SPATA6L: variants seen among roughly 807,000 people sequenced by gnomAD.
SPATA6L encodes the protein spermatogenesis associated 6-like protein.
In SPATA6L, 68 loss-of-function variants were observed where a neutral mutation model predicts 49.2. The observed-to-expected ratio is 1.38, with a 90% CI of 1.14 to 1.69. The LOEUF (loss-of-function observed/expected upper bound fraction) is 1.69. Ranked by LOEUF, SPATA6L falls within the 40% of genes most tolerant of loss-of-function variation. The probability of loss-of-function intolerance (pLI) is 0.00; values close to 1 mark genes in which losing one functional copy is unlikely to be tolerated. For synonymous variants in SPATA6L, 198 were observed against 165.7 expected (o/e 1.19, Z -1.50); for missense variants, 668 against 464.3 (o/e 1.44, Z -4.03).
intron 3 of SPATA6L, among the ~76,000 whole-genome samples, chr9:4,637,828 G>A (rs116646578): frequency 0.01 from 1,524 of 152,164 alleles, 22 homozygotes; most frequent in African/African-American, 0.034. Context: ...TCCAGCTTAC[G>A]TTAGCCACTC....
intron 10 of SPATA6L, 55 bp downstream of exon 10, chr9:4,605,292 C>T: frequency 1.5e-6 from 2 of 1,349,858 alleles, no homozygotes; most frequent in Non-Finnish European, 1.1e-6. Flanking sequence ...GACTGTAGGT[C>T]CCTGTTCACA....
At position 4,614,190 on chromosome 9, in the gene SPATA6L, C is replaced by T. The variant is rs140423018; in HGVS notation, c.995+3733G>A. ...GAGAGGATGTGCTGAAGGGGCATGA[C>T]GCTATTCAGATGGTGGATACAGGGA... On this transcript the variant is annotated intron_variant, in intron 9 of 11. Coordinates refer to ENST00000682582, the MANE Select transcript of SPATA6L (RefSeq NM_001353486.2). Among the ~76,000 whole-genome samples the T allele has an allele frequency of 2.7e-3, 411 of 152,268 alleles. 2 individuals carry two copies. The highest frequency in any genetic ancestry group is 9.3e-3 in the African/African-American group (387 of 41,546).
intron 13 of SPATA6L, among the ~76,000 whole-genome samples, chr9:4,592,516 C>T (rs187836938): frequency 6.6e-6 from 1 of 152,272 alleles, no homozygotes; most frequent in East Asian, 1.9e-4. Context: ...TAAGCAACTT[C>T]CCCAAAGACC....
chr9:4,594,686 T>C (rs1030491331), downstream of SPATA6L, among the ~76,000 whole-genome samples: 2 of 152,164 alleles, frequency 1.3e-5, no homozygotes, highest in East Asian at 1.9e-4. Flanking sequence ...GAGTGAACAG[T>C]GATGCCTCTT....
chr9:4,603,325 G>A (rs900421501), intron 11 of SPATA6L, among the ~76,000 whole-genome samples: 2 of 152,148 alleles, frequency 1.3e-5, no homozygotes, highest in South Asian at 4.1e-4. Flanking sequence ...AGCTACTCAG[G>A]AGGCTGAGGC....
intron 7 of SPATA6L, among the ~76,000 whole-genome samples, chr9:4,620,132 C>G (rs1041776801): frequency 6.6e-6 from 1 of 152,154 alleles, no homozygotes; most frequent in African/African-American, 2.4e-5. Context: ...TCTCTCCCAC[C>G]CCCAGCTGGG....
chr9:4,653,756 C>T (rs890450140), intron 3 of SPATA6L, among the ~76,000 whole-genome samples: 1 of 152,060 alleles, frequency 6.6e-6, no homozygotes, highest in African/African-American at 2.4e-5. Context: ...TAGTGGCATC[C>T]TGTCTCTACA....
Position 4,656,052 on chromosome 9 carries a change from T to G in SPATA6L, c.215A>C (p.Asp72Ala), listed in dbSNP as rs1372008407. ...TTCAGAGTACCTACTTTCCAAAAGGTCTACTACAGCTCCAGGATCTACTGC... is the reference window on the plus strand; with the variant it reads ...TTCAGAGTACCTACTTTCCAAAAGGGCTACTACAGCTCCAGGATCTACTGC... ...ESAVDPGAVV[D>A]LLEMWDELAY... Residue 72 changes from aspartate (D) to alanine (A), a missense_variant, in exon 3 of 12, where the codon GAC becomes GCC. Asp to Ala is a moderately radical substitution (Grantham distance 126). Coordinates refer to ENST00000682582, the MANE Select transcript of SPATA6L (RefSeq NM_001353486.2). The G allele has an allele frequency of 2.5e-6, 4 of 1,612,702 alleles. No homozygotes were observed. Among genetic ancestry groups the G allele is most frequent in the Non-Finnish European group, 3.4e-6 (4 of 1,179,316 alleles).
At chr9:4,597,269 T>C (rs1313610184), downstream of SPATA6L, among the ~76,000 whole-genome samples, 1 of 151,346 alleles carries the variant, frequency 6.6e-6, no homozygotes, top group Non-Finnish European at 1.5e-5. Context: ...CTGGTCAATA[T>C]AGGGAGACTC....
chr9:4,635,487 T>A, intron 3 of SPATA6L, 88 bp from the exon 4 acceptor site: 2 of 1,335,694 alleles, frequency 1.5e-6, no homozygotes, highest in Non-Finnish European at 2.0e-6. Flanking sequence ...ATGGCAGAGA[T>A]GGCACTCAGG....
chr9:4,623,198 T>C (rs1471423274), intron 6 of SPATA6L, among the ~76,000 whole-genome samples: 2 of 152,168 alleles, frequency 1.3e-5, no homozygotes, highest in Admixed American at 1.3e-4. Context: ...GAGAATCGCT[T>C]GAACCCGGGA....
chr9:4,641,955 A>G (rs1834127260), intron 3 of SPATA6L, among the ~76,000 whole-genome samples: 1 of 152,108 alleles, frequency 6.6e-6, no homozygotes, highest in African/African-American at 2.4e-5. Flanking sequence ...TTCAGTAGAG[A>G]TGAGGTTTCA....
In SPATA6L at chr9:4,607,014, C is replaced by T. The variant is rs938274636; in HGVS notation, c.996-1574G>A. ...TGAAGAATGCAGAAGCCTCAGGAGC[C>T]GATGCAATCAACTGGAAGAAAGGGT... is the stretch of plus-strand genomic sequence containing the variant. On this transcript the variant is annotated intron_variant, in intron 9 of 11. Coordinates refer to ENST00000682582, the MANE Select transcript of SPATA6L (RefSeq NM_001353486.2). Among the ~76,000 whole-genome samples the T allele has an allele frequency of 2.6e-3, 382 of 147,800 alleles. 1 individual carries two copies. Among genetic ancestry groups the T allele is most frequent in the African/African-American group, 6.9e-3 (266 of 38,512 alleles).
chr9:4,636,414 C>T (rs529935174), intron 3 of SPATA6L, among the ~76,000 whole-genome samples: 127 of 152,230 alleles, frequency 8.3e-4, no homozygotes, highest in Non-Finnish European at 1.6e-3. Flanking sequence ...AGGGATACTA[C>T]AAAATACTCA....
chr9:4,630,667 T>C (rs1017210437), intron 4 of SPATA6L, among the ~76,000 whole-genome samples: 2 of 152,218 alleles, frequency 1.3e-5, no homozygotes, highest in South Asian at 4.1e-4. Context: ...ATACCACTTA[T>C]ACTCAAGATG....
rs12345645 is a variant in SPATA6L at position 4,626,807 on chromosome 9, T to C, written c.430-1241A>G. On this transcript the variant is annotated intron_variant, in intron 5 of 11. Coordinates refer to ENST00000682582, the MANE Select transcript of SPATA6L (RefSeq NM_001353486.2). ...GGAATACTATGAAGCCATGAAAAAT[T>C]GTCTGGCACAAGAGTACCTGAGGAC... The C allele has an allele frequency of 7.7e-3, 1,749 of 228,080 alleles. 28 individuals are homozygous for C. The highest frequency in any genetic ancestry group is 0.035 in the African/African-American group (1,541 of 44,292). 14.1% of individuals were successfully genotyped at this position (228,080 alleles called of 1,614,324 possible).
downstream of SPATA6L, among the ~76,000 whole-genome samples, chr9:4,597,646 T>A (rs1380556864): frequency 6.6e-6 from 1 of 152,144 alleles, no homozygotes; most frequent in South Asian, 2.1e-4. Context: ...AGATTCAGTG[T>A]GGAGGATGGG....
downstream of SPATA6L, among the ~76,000 whole-genome samples, chr9:4,594,713 C>T (rs1586896553): frequency 6.6e-6 from 1 of 152,088 alleles, no homozygotes; most frequent in Non-Finnish European, 1.5e-5. Context: ...GCGAGTGACC[C>T]AAGACTTAGC....
At chr9:4,648,155 C>A (rs1482146585) in intron 3 of SPATA6L, among the ~76,000 whole-genome samples, 1 of 151,912 alleles carries the variant, frequency 6.6e-6, no homozygotes, top group African/African-American at 2.4e-5. Context: ...GTTAAACAGA[C>A]AACAAAAGTA....
Sources: gnomAD v4.1 joint callset for allele counts (sites outside exome capture counted in the v4.1 genomes callset) on GRCh38, gnomAD v4.1.1 for gene constraint, MANE v1.5 for transcripts, NCBI Gene and HGNC (gene_info 2026-07-23, HGNC 2026-07-21) for gene names.